SRGAP3: variants seen among roughly 807,000 people sequenced by gnomAD.
SRGAP3 encodes the protein SLIT-ROBO Rho GTPase-activating protein 3.
Under a neutral mutation model 121.1 loss-of-function variants are expected in SRGAP3, and 39 were observed. The observed-to-expected ratio is 0.32, with a 90% CI of 0.25 to 0.42. SRGAP3 has a LOEUF of 0.42. SRGAP3 is among the 10% of genes least tolerant of loss of function. The pLI is 1.00. For missense variants in SRGAP3, 1,213 were observed against 1,470.6 expected, an observed-to-expected ratio of 0.82 and a Z score of 2.86; for synonymous variants, 601 against 570.0, an observed-to-expected ratio of 1.05 and a Z score of -0.77.
intron 1 of SRGAP3, among the ~76,000 whole-genome samples, chr3:9,136,666 C>T (rs534660818): frequency 2.0e-5 from 3 of 152,278 alleles, no homozygotes; most frequent in Non-Finnish European, 2.9e-5. Context: ...GTGGGTGTCC[C>T]GCCCTTTTAC....
chr3:9,147,388 A>G (rs1052604068), intron 1 of SRGAP3, among the ~76,000 whole-genome samples: 7 of 152,118 alleles, frequency 4.6e-5, no homozygotes, highest in Admixed American at 3.9e-4. Flanking sequence ...GCAGTTTCAC[A>G]CACCTGATCT....
At chr3:9,352,728 G>A (rs1174319819) in intron 1 of SRGAP3, among the ~76,000 whole-genome samples, 1 of 152,204 alleles carries the variant, frequency 6.6e-6, no homozygotes, top group Non-Finnish European at 1.5e-5. Context: ...CTTGGTGTGC[G>A]TTTGAATCTT....
chr3:9,058,912 G>C (rs973840724), intron 6 of SRGAP3: 2 of 228,400 alleles, frequency 8.8e-6, no homozygotes, highest in South Asian at 6.4e-5. Flanking sequence ...CAGAGACAGG[G>C]ATTTACTGTG....
At chr3:9,180,239 A>AGG (rs924513160) in intron 1 of SRGAP3, among the ~76,000 whole-genome samples, 1 of 152,246 alleles carries the variant, frequency 6.6e-6, no homozygotes, top group African/African-American at 2.4e-5. Context: ...AGGCTCAGGA[A>AGG]GGACAAGTGG....
chr3:9,114,721 T>C (rs1948743688), intron 2 of SRGAP3, among the ~76,000 whole-genome samples: 1 of 152,214 alleles, frequency 6.6e-6, no homozygotes, highest in Non-Finnish European at 1.5e-5. Flanking sequence ...CAAGCCCCTT[T>C]GCCTTGGTTT....
Position 9,058,324 on chromosome 3 carries a change from G to A in SRGAP3, c.950C>T (p.Thr317Ile), listed in dbSNP as rs1159879508. The A allele has an allele frequency of 6.2e-7, 1 of 1,614,120 alleles. No individual in the cohort carries two copies. Among genetic ancestry groups the A allele is most frequent in the African/African-American group, 1.3e-5 (1 of 74,938 alleles). The change falls in exon 7 of 22, where the codon ACA (threonine) becomes ATA (isoleucine). Residue 317 changes from threonine to isoleucine, a missense_variant. Thr to Ile is a moderately conservative substitution (Grantham distance 89). Coordinates refer to ENST00000383836, the MANE Select transcript of SRGAP3 (RefSeq NM_014850.4). Reference protein sequence around the residue: ...DNLDSRSDKHTVMDMCNQVFC... With the variant: ...DNLDSRSDKHIVMDMCNQVFC... The stretch of plus-strand genomic sequence containing the variant: ...GACTTGATTGCACATGTCCATGACT[G>A]TGTGCTTGTCACTTCGGGAATCCAG...
chr3:9,255,139 G>A (rs1954104471), intron 3 of SRGAP3, among the ~76,000 whole-genome samples: 1 of 152,166 alleles, frequency 6.6e-6, no homozygotes, highest in Non-Finnish European at 1.5e-5. Flanking sequence ...TAAATTTTAT[G>A]TTATGTGAAT....
chr3:9,301,101 C>T (rs1284288225), intron 3 of SRGAP3, among the ~76,000 whole-genome samples: 1 of 152,152 alleles, frequency 6.6e-6, no homozygotes, highest in East Asian at 1.9e-4. Context: ...CATCAAGACC[C>T]TTCCCTTGGT....
chr3:9,151,051 C>T (rs985608328), intron 1 of SRGAP3, among the ~76,000 whole-genome samples: 4 of 152,334 alleles, frequency 2.6e-5, no homozygotes, highest in East Asian at 1.9e-4. Flanking sequence ...ACTCTATTTC[C>T]ACTTAGATTA....
intron 2 of SRGAP3, among the ~76,000 whole-genome samples, chr3:9,123,829 G>A (rs906007875): frequency 2.0e-5 from 3 of 151,458 alleles, no homozygotes; most frequent in African/African-American, 7.3e-5. Context: ...AGGACCCAGG[G>A]GAAGGGGGAT....
At chr3:9,008,592 G>C (rs1943203567) in intron 18 of SRGAP3, among the ~76,000 whole-genome samples, 2 of 152,072 alleles carry the variant, frequency 1.3e-5, no homozygotes, top group South Asian at 4.1e-4. Context: ...GTGGTCGGCA[G>C]AAGAAAAAAA....
At chr3:9,062,433 T>G (rs1372744638) in intron 5 of SRGAP3, among the ~76,000 whole-genome samples, 1 of 152,188 alleles carries the variant, frequency 6.6e-6, no homozygotes, top group African/African-American at 2.4e-5. Flanking sequence ...TTATTTTTAC[T>G]GTATTCACAG....
chr3:9,344,628 G>C (rs141959285), intron 1 of SRGAP3, among the ~76,000 whole-genome samples: 1 of 135,488 alleles, frequency 7.4e-6, no homozygotes, highest in Non-Finnish European at 1.6e-5. Context: ...GTCAGACTCC[G>C]TCTCAAAAAC....
At chr3:9,113,939 C>A (rs1370005053) in intron 2 of SRGAP3, among the ~76,000 whole-genome samples, 1 of 152,176 alleles carries the variant, frequency 6.6e-6, no homozygotes, top group Non-Finnish European at 1.5e-5. Flanking sequence ...TTATCCCCCA[C>A]CCACCAGGAG....
intron 19 of SRGAP3, 75 bp from the exon 20 acceptor site, chr3:8,993,130 T>C: frequency 1.9e-6 from 3 of 1,599,300 alleles, no homozygotes; most frequent in Non-Finnish European, 2.6e-6. Context: ...CCCTGATATG[T>C]GTCTGAGGGG....
In SRGAP3 at chr3:9,313,478, C is replaced by T. The variant is rs138571512; in HGVS notation, n.442+12532G>A. 7.7e-3 allele frequency among the ~76,000 whole-genome samples: 1,170 copies of T among 152,032 alleles called. 10 individuals are homozygous for T. The highest frequency in any genetic ancestry group is 0.024 in the African/African-American group (1,015 of 41,448). On this transcript the variant is annotated intron_variant and non_coding_transcript_variant, in intron 3 of 3. Coordinates refer to the SRGAP3 transcript ENST00000490889. The stretch of plus-strand genomic sequence containing the variant: ...CTGAGACAGGCAGATGACTTGAGGT[C>T]AGGAGTTCGAGACCAGCCTGGCCAA...
intron 4 of SRGAP3, among the ~76,000 whole-genome samples, chr3:9,078,626 C>T (rs1254467091): frequency 6.6e-6 from 1 of 152,148 alleles, no homozygotes; most frequent in African/African-American, 2.4e-5. Context: ...CTCACAGGGA[C>T]GTGCACTAAG....
chr3:9,334,947 G>T (rs1955667928), intron 1 of SRGAP3, among the ~76,000 whole-genome samples: 1 of 152,170 alleles, frequency 6.6e-6, no homozygotes, highest in African/African-American at 2.4e-5. Context: ...TGTCTTCAGG[G>T]TAAGAGCCAG....
chr3:9,318,774 G>C (rs971763086), intron 3 of SRGAP3, among the ~76,000 whole-genome samples: 9 of 151,560 alleles, frequency 5.9e-5, no homozygotes, highest in African/African-American at 2.2e-4. Flanking sequence ...AGCTACTTAG[G>C]AGGCTGAGAT....
Sources: gnomAD v4.1 joint callset for allele counts (sites outside exome capture counted in the v4.1 genomes callset) on GRCh38, gnomAD v4.1.1 for gene constraint, MANE v1.5 for transcripts, NCBI Gene and HGNC (gene_info 2026-07-23, HGNC 2026-07-21) for gene names.